PPARGC1A: variants seen among roughly 807,000 people sequenced by gnomAD.
The protein encoded by PPARGC1A is PPARG coactivator 1 alpha.
A neutral mutation model predicts 88.7 loss-of-function variants in PPARGC1A; 25 were observed. The observed-to-expected ratio is 0.28, with a 90% CI of 0.21 to 0.39. The LOEUF (loss-of-function observed/expected upper bound fraction) is 0.39, where lower values mean the gene tolerates loss of function less well. Ranked by LOEUF, PPARGC1A falls within the 10% of genes least tolerant of loss-of-function variation. PPARGC1A has a pLI of 1.00. For synonymous variants in PPARGC1A, 363 were observed against 355.6 expected, an observed-to-expected ratio of 1.02 and a Z score of -0.24; for missense variants, 880 against 968.7, an observed-to-expected ratio of 0.91 and a Z score of 1.22.
chr4:23,889,497 C>CA (rs1409841656), intron 1 of PPARGC1A: 1 of 456,000 alleles, frequency 2.2e-6, no homozygotes, highest in Non-Finnish European at 2.9e-6. Context: ...TGAACACATC[C>CA]ATTTTAATAT....
the PPARGC1A span, among the ~76,000 whole-genome samples, chr4:24,066,378 C>A: frequency 9.2e-5 from 14 of 152,110 alleles, no homozygotes; most frequent in African/African-American, 3.4e-4. Flanking sequence ...GAAAAATTTG[C>A]TTCACCTGAA....
At chr4:24,231,641 A>G in the PPARGC1A span, among the ~76,000 whole-genome samples, 1 of 152,228 alleles carries the variant, frequency 6.6e-6, no homozygotes, top group African/African-American at 2.4e-5. Flanking sequence ...TCTAGTATCT[A>G]TCAGAAACAT....
chr4:23,822,165 G>A (rs1246669993), intron 7 of PPARGC1A, among the ~76,000 whole-genome samples: 2 of 152,078 alleles, frequency 1.3e-5, no homozygotes, highest in Non-Finnish European at 1.5e-5. Flanking sequence ...GATCCAGGAG[G>A]GAAAGTGTGT....
the PPARGC1A span, among the ~76,000 whole-genome samples, chr4:24,033,907 A>G: frequency 2.3e-3 from 345 of 152,296 alleles, 1 homozygote; most frequent in African/African-American, 8.0e-3. Flanking sequence ...TGCTTTCAAG[A>G]CAATTTCCCC....
chr4:23,798,053 T>C (rs1483255077), intron 12 of PPARGC1A, among the ~76,000 whole-genome samples: 1 of 152,102 alleles, frequency 6.6e-6, no homozygotes, highest in East Asian at 1.9e-4. Context: ...CTGGGTACCT[T>C]GTGACCCCCA....
the PPARGC1A span, among the ~76,000 whole-genome samples, chr4:23,913,113 T>G: frequency 6.7e-6 from 1 of 149,144 alleles, no homozygotes; most frequent in Non-Finnish European, 1.5e-5. Context: ...CCACATGAAC[T>G]AATTTCTTAG....
the PPARGC1A span, among the ~76,000 whole-genome samples, chr4:24,235,363 A>G: frequency 6.6e-6 from 1 of 152,222 alleles, no homozygotes; most frequent in East Asian, 1.9e-4. Context: ...TGGGGCAGAC[A>G]TGGTCTTTCA....
At chr4:24,157,456 C>T in the PPARGC1A span, among the ~76,000 whole-genome samples, 1 of 152,180 alleles carries the variant, frequency 6.6e-6, no homozygotes, top group Non-Finnish European at 1.5e-5. Flanking sequence ...TAGAAAATCT[C>T]ACCTGAGCAT....
intron 10 of PPARGC1A, among the ~76,000 whole-genome samples, chr4:23,811,889 C>CTTTTTTTTTTTT (rs71196134): frequency 3.4e-5 from 2 of 59,040 alleles, no homozygotes; most frequent in Admixed American, 2.2e-4. Flanking sequence ...GAAGAAATGA[C>CTTTTTTTTTTTT]TTTTTTTTTT....
At chr4:23,910,359 ATATATAT>A in the PPARGC1A span, among the ~76,000 whole-genome samples, 1 of 101,294 alleles carries the variant, frequency 9.9e-6, no homozygotes, top group African/African-American at 4.3e-5. Context: ...TATATATATT[ATATATAT>A]TATATTATAT....
At chr4:23,819,823 A>G (rs1341275062) in intron 7 of PPARGC1A, among the ~76,000 whole-genome samples, 1 of 152,182 alleles carries the variant, frequency 6.6e-6, no homozygotes, top group African/African-American at 2.4e-5. Flanking sequence ...AGATTCTTGA[A>G]GCACAGGAAT....
the PPARGC1A span, among the ~76,000 whole-genome samples, chr4:24,042,350 T>C: frequency 6.7e-6 from 1 of 150,210 alleles, no homozygotes; most frequent in Non-Finnish European, 1.5e-5. Context: ...ATAGTCATCC[T>C]CTCTGCCTAA....
chr4:24,200,549 A>G, the PPARGC1A span, among the ~76,000 whole-genome samples: 2 of 151,590 alleles, frequency 1.3e-5, no homozygotes, highest in Non-Finnish European at 2.9e-5. Context: ...AAACACATGT[A>G]GCTTTCTATA....
the PPARGC1A span, among the ~76,000 whole-genome samples, chr4:24,256,486 C>T: frequency 6.6e-6 from 1 of 152,144 alleles, no homozygotes; most frequent in African/African-American, 2.4e-5. Context: ...TGAAATCACC[C>T]TTCGTATCTC....
At chr4:24,118,177 C>T in the PPARGC1A span, among the ~76,000 whole-genome samples, 86 of 152,206 alleles carry the variant, frequency 5.7e-4, no homozygotes, top group Middle Eastern at 3.4e-3. Context: ...CCAGCCATAA[C>T]GTGCGGTCAA....
the PPARGC1A span, among the ~76,000 whole-genome samples, chr4:24,137,137 T>C: frequency 6.9e-6 from 1 of 145,750 alleles, no homozygotes; most frequent in South Asian, 2.2e-4. Context: ...AAAAAAGTAA[T>C]TAAGATAAAA....
At chr4:23,964,044 GGAGATTCTAT>G in the PPARGC1A span, among the ~76,000 whole-genome samples, 2 of 152,146 alleles carry the variant, frequency 1.3e-5, no homozygotes, top group Non-Finnish European at 2.9e-5. Context: ...ACAGTATTGT[GGAGATTCTAT>G]GAGATTAATG....
the PPARGC1A span, among the ~76,000 whole-genome samples, chr4:24,307,730 T>C: frequency 6.6e-6 from 1 of 152,140 alleles, no homozygotes; most frequent in Non-Finnish European, 1.5e-5. Flanking sequence ...GAAGATGAAG[T>C]GTGTTTGAGA....
the PPARGC1A span, among the ~76,000 whole-genome samples, chr4:24,138,196 C>T: frequency 1.9e-4 from 29 of 152,296 alleles, no homozygotes; most frequent in Middle Eastern, 3.4e-3. Flanking sequence ...ACCTGTAGTC[C>T]GACAGGGCCA....
Sources: allele counts gnomAD v4.1 joint callset (sites outside exome capture counted in the v4.1 genomes callset), GRCh38; gene constraint gnomAD v4.1.1; transcripts MANE v1.5; gene names NCBI Gene and HGNC (gene_info 2026-07-23, HGNC 2026-07-21).